RBFOX1: variants seen among roughly 807,000 people sequenced by gnomAD.
RBFOX1 encodes RNA binding protein fox-1 homolog 1.
A neutral mutation model predicts 57.7 loss-of-function variants in RBFOX1; 8 were observed. The observed-to-expected ratio is 0.14, with a 90% CI of 0.08 to 0.25. The LOEUF is 0.25. Ranked by LOEUF, RBFOX1 falls within the 10% of genes least tolerant of loss-of-function variation. The pLI is 1.00. For synonymous variants in RBFOX1, 326 were observed against 222.4 expected, an observed-to-expected ratio of 1.47 and a Z score of -4.15; for missense variants, 611 against 548.5, an observed-to-expected ratio of 1.11 and a Z score of -1.14.
At chr16:6,881,938 G>C (rs1305022244) in intron 3 of RBFOX1, among the ~76,000 whole-genome samples, 1 of 152,180 alleles carries the variant, frequency 6.6e-6, no homozygotes, top group Non-Finnish European at 1.5e-5. Context: ...CTGGCTAATT[G>C]ACATAGTGTA....
In RBFOX1 at chr16:5,261,349, G is replaced by T. The variant is rs983712828; in HGVS notation, c.219+21244G>T. Among the ~76,000 whole-genome samples, 9 of 151,764 alleles carry T rather than the reference G, an allele frequency of 5.9e-5. 1 individual carries two copies. Among genetic ancestry groups the T allele is most frequent in the Non-Finnish European group, 1.2e-4 (8 of 67,934 alleles). ...AAGTTGCTTATTTTTTAATTTCTTG[G>T]CTGACTAAATTTTATTATGAAGACT... is the stretch of plus-strand genomic sequence containing the variant. On this transcript the variant is annotated intron_variant, in intron 1 of 2. Coordinates refer to the RBFOX1 transcript ENST00000585867.
At chr16:5,871,475 A>C (rs2057469093) in intron 4 of RBFOX1, among the ~76,000 whole-genome samples, 1 of 151,894 alleles carries the variant, frequency 6.6e-6, no homozygotes, top group Non-Finnish European at 1.5e-5. Context: ...TGTCTCCTAG[A>C]CTCCTTCCCC....
intron 3 of RBFOX1, among the ~76,000 whole-genome samples, chr16:6,883,215 G>A (rs1399088730): frequency 6.6e-6 from 1 of 152,152 alleles, no homozygotes; most frequent in East Asian, 1.9e-4. Flanking sequence ...AAAGTACTTA[G>A]CTTAGAAATC....
In RBFOX1 at chr16:7,414,589, G is replaced by A. The variant is rs28646091; in HGVS notation, c.28-103558G>A. On this transcript the variant is annotated intron_variant, in intron 4 of 15. Transcript: ENST00000550418. Reference sequence around the variant, plus strand: ...AGGTCTACCATATCCCAAACACAATGTTTTTCAAATATTGTTTTTATTTTA... The same window carrying A: ...AGGTCTACCATATCCCAAACACAATATTTTTCAAATATTGTTTTTATTTTA... Among the ~76,000 whole-genome samples, 969 of 152,126 alleles carry A rather than the reference G, an allele frequency of 6.4e-3. 8 individuals carry two copies. The highest frequency in any genetic ancestry group is 0.021 in the African/African-American group (872 of 41,498).
At chr16:5,342,809 C>T (rs565840826) in intron 1 of RBFOX1, among the ~76,000 whole-genome samples, 1 of 152,132 alleles carries the variant, frequency 6.6e-6, no homozygotes. Context: ...ATCTGCTTAC[C>T]TAGTTTTCCT....
chr16:7,589,912 GGTGTGT>G (rs3029164), intron 7 of RBFOX1, among the ~76,000 whole-genome samples: 4,291 of 135,026 alleles, frequency 0.032, 143 homozygotes, highest in African/African-American at 0.088. Flanking sequence ...GTGTGTGCTG[GGTGTGT>G]GTGTGTGTGT....
rs1321631685 is a variant in RBFOX1, at chr16:5,445,738, T to A, written c.220-21478T>A. 2.0e-5 allele frequency among the ~76,000 whole-genome samples: 3 copies of A among 152,256 alleles called. No individual in the cohort carries two copies. In the South Asian group the frequency reaches 6.2e-4, roughly 32 times the overall value. On this transcript the variant is annotated intron_variant, in intron 1 of 2. Coordinates refer to the RBFOX1 transcript ENST00000585867. Reference sequence around the variant, plus strand: ...CATTTTCAGAGCATATTTATTCATTTAACTCAGCTAATTTGGATCATTGCC... The same window carrying A: ...CATTTTCAGAGCATATTTATTCATTAAACTCAGCTAATTTGGATCATTGCC...
chr16:7,029,138 A>G lies in RBFOX1; in HGVS notation c.-15-22919A>G, dbSNP rs1278842906. ...CACACACACATATACGTATATATAT[A>G]TGTGTATATATGTATATATATACAC... On this transcript the variant is annotated intron_variant, in intron 3 of 15. Transcript: ENST00000550418. Among the ~76,000 whole-genome samples the G allele has an allele frequency of 1.5e-4, 14 of 94,224 alleles. 1 individual carries two copies. Among genetic ancestry groups the G allele is most frequent in the Non-Finnish European group, 1.8e-4 (9 of 49,436 alleles). 61.8% of individuals were successfully genotyped at this position (94,224 alleles called of 152,430 possible).
At chr16:7,182,772 C>G (rs1470339666) in intron 4 of RBFOX1, among the ~76,000 whole-genome samples, 2 of 152,162 alleles carry the variant, frequency 1.3e-5, no homozygotes, top group South Asian at 2.1e-4. Context: ...TGCCTCACCC[C>G]TGACTTAGCA....
At chr16:6,201,576 T>C (rs530227209) in intron 1 of RBFOX1, among the ~76,000 whole-genome samples, 1 of 152,200 alleles carries the variant, frequency 6.6e-6, no homozygotes, top group South Asian at 2.1e-4. Flanking sequence ...ATACAGTTGA[T>C]AGAATGAATG....
intron 3 of RBFOX1, among the ~76,000 whole-genome samples, chr16:6,748,279 C>T (rs562460188): frequency 6.6e-6 from 1 of 152,096 alleles, no homozygotes; most frequent in South Asian, 2.1e-4. Context: ...CTCTCTCTCT[C>T]TCTACACACA....
intron 4 of RBFOX1, among the ~76,000 whole-genome samples, chr16:5,935,936 C>T (rs2059158961): frequency 6.6e-6 from 1 of 152,164 alleles, no homozygotes; most frequent in Non-Finnish European, 1.5e-5. Flanking sequence ...CTCAACCAGC[C>T]TCCCCTGGAG....
intron 4 of RBFOX1, among the ~76,000 whole-genome samples, chr16:7,218,229 A>G (rs2092408516): frequency 6.6e-6 from 1 of 152,132 alleles, no homozygotes; most frequent in Non-Finnish European, 1.5e-5. Flanking sequence ...TTCCTTCATT[A>G]ATTTGGCCAA....
intron 2 of RBFOX1, among the ~76,000 whole-genome samples, chr16:6,625,606 C>T (rs988349797): frequency 2.0e-5 from 3 of 152,154 alleles, no homozygotes; most frequent in African/African-American, 7.2e-5. Flanking sequence ...ATGGTAGAGG[C>T]CAACCTTGTC....
rs577625767 is a variant in RBFOX1, at chr16:7,470,393, A to G, written c.28-47754A>G. 3.3e-5 allele frequency among the ~76,000 whole-genome samples: 5 copies of G among 152,306 alleles called. No homozygotes were observed. In the East Asian group the frequency reaches 5.8e-4, roughly 18 times the overall value. ...AAATGAGTGATTGTAGGAGGAATGA[A>G]TGGATAGTTGGTTGGTTGGATGGAT... is the stretch of plus-strand genomic sequence containing the variant. On this transcript the variant is annotated intron_variant, in intron 4 of 15. Coordinates refer to ENST00000550418, the MANE Select transcript of RBFOX1 (RefSeq NM_018723.4).
chr16:6,066,293 C>CAAAAAAAAAAAAAAAAAAAAAAAAAA lies in RBFOX1; in HGVS notation c.-127+46303_-127+46328dup, dbSNP rs372412356. 6.0e-5 allele frequency among the ~76,000 whole-genome samples: 3 copies of CAAAAAAAAAAAAAAAAAAAAAAAAAA among 50,384 alleles called. 1 individual carries two copies. Among genetic ancestry groups the CAAAAAAAAAAAAAAAAAAAAAAAAAA allele is most frequent in the African/African-American group, 4.3e-4 (3 of 6,996 alleles). 33.1% of individuals were successfully genotyped at this position (50,384 alleles called of 152,430 possible). ...CTGACTACAGAGCAAGACTCTGTCT[C>CAAAAAAAAAAAAAAAAAAAAAAAAAA]AAAAAAAAAAAAAAAAAAAAAAAAA... On this transcript the variant is annotated intron_variant, in intron 1 of 15. Coordinates refer to ENST00000550418, the MANE Select transcript of RBFOX1 (RefSeq NM_018723.4).
chr16:7,680,635 G>A (rs183983045), intron 14 of RBFOX1, among the ~76,000 whole-genome samples: 321 of 152,108 alleles, frequency 2.1e-3, no homozygotes, highest in African/African-American at 6.3e-3. Context: ...CATTAATTGC[G>A]GCACCAGGCC....
intron 3 of RBFOX1, among the ~76,000 whole-genome samples, chr16:6,985,820 C>A (rs1055729731): frequency 1.0e-5 from 1 of 99,812 alleles, no homozygotes; most frequent in Admixed American, 1.1e-4. Context: ...GGCCACAGAG[C>A]GTGAGTTCAT....
chr16:5,993,195 C>G (rs545483750), intron 4 of RBFOX1, among the ~76,000 whole-genome samples: 43 of 152,304 alleles, frequency 2.8e-4, no homozygotes, highest in African/African-American at 9.9e-4. Flanking sequence ...AGTAGCAACA[C>G]ATGGATGCAG....
Sources: gnomAD v4.1 joint callset for allele counts (sites outside exome capture counted in the v4.1 genomes callset) on GRCh38, gnomAD v4.1.1 for gene constraint, MANE v1.5 for transcripts, NCBI Gene and HGNC (gene_info 2026-07-23, HGNC 2026-07-21) for gene names.